The following ZNF654 variants were observed in gnomAD, a reference collection of about 807,000 sequenced individuals.
ZNF654 encodes the protein melanoma-associated antigen.
Under a neutral mutation model 95.3 loss-of-function variants are expected in ZNF654, and 19 were observed. The observed-to-expected ratio is 0.20, with a 90% confidence interval of 0.14 to 0.29. The LOEUF is 0.29. ZNF654 is among the 10% of genes least tolerant of loss of function. ZNF654 has a pLI of 1.00. For missense variants in ZNF654, 1,046 were observed against 1,341.0 expected (o/e 0.78, Z 3.44); for synonymous variants, 413 against 457.9 (o/e 0.90, Z 1.25).
intron 3 of ZNF654, 133 bp from the exon 4 acceptor site, chr3:88,126,001 C>A: frequency 1.0e-6 from 1 of 973,180 alleles, no homozygotes; most frequent in Non-Finnish European, 1.4e-6. Flanking sequence ...ACTTAGGTTA[C>A]AATAGTAACC....
intron 2 of ZNF654, among the ~76,000 whole-genome samples, chr3:88,106,988 C>T (rs1362808937): frequency 6.6e-6 from 1 of 152,130 alleles, no homozygotes; most frequent in Non-Finnish European, 1.5e-5. Context: ...CGTGTGCCAA[C>T]ACAATGTTGA....
intron 2 of ZNF654, among the ~76,000 whole-genome samples, chr3:88,105,239 T>G (rs1292242693): frequency 6.6e-6 from 1 of 152,076 alleles, no homozygotes; most frequent in Admixed American, 6.6e-5. Context: ...AAATAACATA[T>G]CCATGCCCTT....
Position 88,140,335 on chromosome 3 carries a change from A to G in ZNF654, c.2666A>G (p.Gln889Arg). Reference sequence around the variant, plus strand: ...AGTGAAACAATTCTTTGGGATGTTCAGACAGACTCAAATCCTAATCAGGAA... The same window carrying G: ...AGTGAAACAATTCTTTGGGATGTTCGGACAGACTCAAATCCTAATCAGGAA... ...QPSETILWDV[Q>R]TDSNPNQEKD... The change falls in exon 8 of 9, where the codon CAG becomes CGG. Residue 889 changes from glutamine to arginine, a missense_variant. Gln to Arg is a conservative substitution (Grantham distance 43). Around this residue, in one of 9 missense-constraint regions of ZNF654, gnomAD observed 495 missense variants for 537.0 expected, o/e 0.92. Transcript: ENST00000636215. 1 of 1,613,686 alleles carries G rather than the reference A, an allele frequency of 6.2e-7. No homozygotes were observed. Among genetic ancestry groups the G allele is most frequent in the Non-Finnish European group, 8.5e-7 (1 of 1,179,732 alleles).
At chr3:88,094,242 CTT>C (rs1488486269) in intron 2 of ZNF654, among the ~76,000 whole-genome samples, 1 of 151,922 alleles carries the variant, frequency 6.6e-6, no homozygotes, top group East Asian at 1.9e-4. Context: ...TTAAAAAACT[CTT>C]AGTGCATTTG....
rs1286587418 is a variant in ZNF654 at position 88,141,629 on chromosome 3, G to A, written c.3380-16G>A. 1 of 1,488,794 alleles carries A rather than the reference G, an allele frequency of 6.7e-7. No homozygotes were observed. Among genetic ancestry groups the A allele is most frequent in the Non-Finnish European group, 9.1e-7 (1 of 1,103,468 alleles). The allele number at this position is 1,488,794 out of a possible 1,614,324, so 92.2% of individuals were successfully genotyped here. A position where few individuals can be genotyped will look rare whatever the true frequency, so the allele number is the denominator to read the frequency against. ...GTCAATAAAACTTGCATTAACAGATGTGTTCTGTTTTACAGGTGCCTGATG... is the reference window on the plus strand; with the variant it reads ...GTCAATAAAACTTGCATTAACAGATATGTTCTGTTTTACAGGTGCCTGATG... On this transcript the variant is annotated splice_polypyrimidine_tract_variant and intron_variant, in intron 8 of 8. Transcript: ENST00000636215.
At chr3:88,127,331 T>A (rs2107826993) in intron 4 of ZNF654, among the ~76,000 whole-genome samples, 1 of 151,780 alleles carries the variant, frequency 6.6e-6, no homozygotes, top group African/African-American at 2.4e-5. Context: ...TGTGAAGGGA[T>A]GGGAGGTGGG....
intron 6 of ZNF654, among the ~76,000 whole-genome samples, chr3:88,133,619 A>AG (rs1706594699): frequency 3.3e-5 from 5 of 152,160 alleles, no homozygotes; most frequent in Non-Finnish European, 7.3e-5. Context: ...AGTGAGAATA[A>AG]ATGAAGCAGT....
At chr3:88,084,400 G>A (rs1331394505) in intron 1 of ZNF654, among the ~76,000 whole-genome samples, 1 of 152,136 alleles carries the variant, frequency 6.6e-6, no homozygotes, top group African/African-American at 2.4e-5. Context: ...CAATAAAGCT[G>A]GTCAAAGACT....
At chr3:88,086,136 C>T (rs1708325691) in intron 1 of ZNF654, 121 bp from the exon 2 acceptor site, 3 of 760,558 alleles carry the variant, frequency 3.9e-6, no homozygotes, top group East Asian at 2.7e-5. Flanking sequence ...TCCCTCCCTC[C>T]AGTCACCTGT....
chr3:88,137,175 A>G (rs1173182142), intron 7 of ZNF654, among the ~76,000 whole-genome samples: 1 of 133,870 alleles, frequency 7.5e-6, no homozygotes, highest in African/African-American at 2.8e-5. Flanking sequence ...AGCCTGGGTG[A>G]CAGTGCGAGA....
chr3:88,068,300 C>CT (rs757476969), intron 1 of ZNF654, among the ~76,000 whole-genome samples: 1 of 151,996 alleles, frequency 6.6e-6, no homozygotes, highest in Non-Finnish European at 1.5e-5. Flanking sequence ...AGTTAATTAA[C>CT]TTTGAGACAG....
In ZNF654 at chr3:88,083,941, T is replaced by TTATATATATATA. The variant is rs78670676; in HGVS notation, c.187-2301_187-2290dup. Among the ~76,000 whole-genome samples, 440 of 147,756 alleles carry TTATATATATATA rather than the reference T, an allele frequency of 3.0e-3. 3 individuals are homozygous for TTATATATATATA. Among genetic ancestry groups the TTATATATATATA allele is most frequent in the African/African-American group, 8.5e-3 (340 of 40,114 alleles). On this transcript the variant is annotated intron_variant, in intron 1 of 8. Transcript: ENST00000636215. The stretch of plus-strand genomic sequence containing the variant: ...AATAGGACAATGTAATGTACTTATT[T>TTATATATATATA]TATATATATATATATATATATATAT...
At chr3:88,129,949 G>A in intron 6 of ZNF654, 123 bp downstream of exon 6, 1 of 873,520 alleles carries the variant, frequency 1.1e-6, no homozygotes, top group Non-Finnish European at 1.6e-6. Context: ...AAAATTGATT[G>A]TGCAAGGAAC....
chr3:88,059,382 G>A lies in ZNF654; in HGVS notation c.63G>A (p.Val21=). The change falls in exon 1 of 9, where the codon GTG becomes GTA. Residue 21 remains valine (V), a synonymous_variant. Transcript: ENST00000636215. ...TCGGAGAAGAGCTTGTGGCCATTGT[G>A]GAGTCCCCGCTGGGCCCTGTGGGGC... ...ERLGEELVAI[V]ESPLGPVGLR... is the part of the protein sequence containing the mutation. 6.5e-7 allele frequency: 1 copy of A among 1,535,466 alleles called. No homozygotes were observed. Among genetic ancestry groups the A allele is most frequent in the Non-Finnish European group, 8.7e-7 (1 of 1,146,740 alleles).
At chr3:88,121,914 C>T (rs2107802319) in intron 3 of ZNF654, among the ~76,000 whole-genome samples, 1 of 152,204 alleles carries the variant, frequency 6.6e-6, no homozygotes, top group East Asian at 1.9e-4. Context: ...CACAGATTTC[C>T]ATAAAACCCT....
chr3:88,094,391 A>G (rs1285191435), intron 2 of ZNF654, among the ~76,000 whole-genome samples: 2 of 152,086 alleles, frequency 1.3e-5, no homozygotes, highest in African/African-American at 2.4e-5. Flanking sequence ...TAGTTGTTTT[A>G]TGAGCAAAGA....
intron 3 of ZNF654, among the ~76,000 whole-genome samples, chr3:88,118,929 T>G (rs530491731): frequency 6.7e-6 from 1 of 149,826 alleles, no homozygotes; most frequent in African/African-American, 2.5e-5. Context: ...ACTTTTACAC[T>G]GTTGGTGGGA....
chr3:88,083,592 G>A (rs897363969), intron 1 of ZNF654, among the ~76,000 whole-genome samples: 8 of 152,092 alleles, frequency 5.3e-5, no homozygotes, highest in Admixed American at 2.0e-4. Context: ...AGTAATGTTT[G>A]TTATGCTCTT....
intron 2 of ZNF654, among the ~76,000 whole-genome samples, chr3:88,109,361 A>C (rs942098010): frequency 5.9e-5 from 9 of 152,170 alleles, no homozygotes; most frequent in African/African-American, 2.2e-4. Context: ...GTTAGTATAT[A>C]TAGAAAGAGT....
Sources: gnomAD v4.1 joint callset for allele counts (sites outside exome capture counted in the v4.1 genomes callset) on GRCh38, gnomAD v4.1.1 for gene constraint, gnomAD v4.1.1 regional missense constraint, MANE v1.5 for transcripts, NCBI Gene and HGNC (gene_info 2026-07-23, HGNC 2026-07-21) for gene names.